The following CDH13 variants were observed in gnomAD, a reference collection of about 807,000 sequenced individuals.
The protein encoded by CDH13 is cadherin 13.
CDH13 carries 24 observed loss-of-function variants against 63.8 expected under a neutral mutation model. The ratio of observed to expected loss-of-function variants is 0.38; its 90% CI spans 0.27 to 0.53. CDH13 has a LOEUF of 0.53. Ranked by LOEUF, CDH13 falls within the 20% of genes least tolerant of loss-of-function variation. The probability of loss-of-function intolerance (pLI) is 0.85; values close to 1 mark genes in which losing one functional copy is unlikely to be tolerated. For synonymous variants in CDH13, 503 were observed against 355.3 expected (o/e 1.42, Z -4.67); for missense variants, 1,049 against 903.1 (o/e 1.16, Z -2.07).
At chr16:83,258,469 G>A (rs746422608) in intron 5 of CDH13, among the ~76,000 whole-genome samples, 3 of 152,136 alleles carry the variant, frequency 2.0e-5, no homozygotes, top group Non-Finnish European at 4.4e-5. Flanking sequence ...AGTAAAACCC[G>A]AGTGTTGCAA....
chr16:83,221,458 G>C (rs539294614), intron 5 of CDH13, among the ~76,000 whole-genome samples: 1 of 152,280 alleles, frequency 6.6e-6, no homozygotes. Flanking sequence ...CAGCATTTGA[G>C]TGATATGTGA....
At chr16:83,326,323 T>C (rs2090360427) in intron 5 of CDH13, among the ~76,000 whole-genome samples, 1 of 152,144 alleles carries the variant, frequency 6.6e-6, no homozygotes, top group Non-Finnish European at 1.5e-5. Context: ...CTCTCTTACC[T>C]GGGGCATATT....
intron 6 of CDH13, among the ~76,000 whole-genome samples, chr16:83,394,492 G>A (rs1197910627): frequency 6.6e-6 from 1 of 152,134 alleles, no homozygotes; most frequent in East Asian, 1.9e-4. Context: ...GTAAGGATGT[G>A]GGATGGATGA....
intron 2 of CDH13, among the ~76,000 whole-genome samples, chr16:82,935,739 A>G (rs913783076): frequency 6.6e-6 from 1 of 152,130 alleles, no homozygotes; most frequent in East Asian, 1.9e-4. Flanking sequence ...AGAGTCTCAT[A>G]GAAAGTGGCT....
chr16:82,833,339 C>A (rs1404789096), intron 1 of CDH13, among the ~76,000 whole-genome samples: 1 of 152,136 alleles, frequency 6.6e-6, no homozygotes, highest in East Asian at 1.9e-4. Context: ...TGGAGGTATC[C>A]AACTTCAGCT....
chr16:82,936,660 A>G (rs1336106455), intron 2 of CDH13, among the ~76,000 whole-genome samples: 1 of 152,162 alleles, frequency 6.6e-6, no homozygotes, highest in Admixed American at 6.5e-5. Flanking sequence ...TGGTGATGCT[A>G]CTTTAGATCG....
intron 5 of CDH13, among the ~76,000 whole-genome samples, chr16:83,249,411 G>A (rs1178248012): frequency 2.0e-5 from 3 of 152,164 alleles, no homozygotes; most frequent in Non-Finnish European, 4.4e-5. Context: ...TGGTGGTTAA[G>A]TTACAGCAGA....
At position 83,353,717 on chromosome 16, in the gene CDH13, C is replaced by G. The variant is rs148987799; in HGVS notation, c.781+8711C>G. Among the ~76,000 whole-genome samples the G allele has an allele frequency of 7.8e-3, 1,192 of 152,346 alleles. 9 individuals are homozygous for G. The highest frequency in any genetic ancestry group is 0.012 in the Non-Finnish European group (793 of 68,028). On this transcript the variant is annotated intron_variant, in intron 6 of 13. Transcript: ENST00000567109. The stretch of plus-strand genomic sequence containing the variant: ...CCTCTCTAACCATGAAGTCTTATTC[C>G]TGGACTAGCCTATGTATCTGCCTCT...
chr16:83,546,429 GTT>G (rs57567072), intron 7 of CDH13, among the ~76,000 whole-genome samples: 89 of 143,504 alleles, frequency 6.2e-4, no homozygotes, highest in Middle Eastern at 3.5e-3. Flanking sequence ...CATACTACTG[GTT>G]TTTTTTTTTT....
chr16:83,168,845 A>C, intron 4 of CDH13, among the ~76,000 whole-genome samples: 1 of 152,236 alleles, frequency 6.6e-6, no homozygotes, highest in South Asian at 2.1e-4. Flanking sequence ...GTTCTTCCAA[A>C]CCATGATATT....
chr16:83,370,767 C>A (rs1040139333), intron 6 of CDH13, among the ~76,000 whole-genome samples: 4 of 152,178 alleles, frequency 2.6e-5, no homozygotes, highest in Non-Finnish European at 4.4e-5. Flanking sequence ...ATAATGGTCT[C>A]CATTTCCATC....
intron 4 of CDH13, among the ~76,000 whole-genome samples, chr16:83,209,387 G>A (rs747435624): frequency 2.6e-5 from 4 of 152,146 alleles, no homozygotes; most frequent in Admixed American, 1.3e-4. Flanking sequence ...ACATCCGGGT[G>A]CATCCTCCAC....
At chr16:82,676,937 G>C (rs901605449) in intron 1 of CDH13, among the ~76,000 whole-genome samples, 1 of 152,194 alleles carries the variant, frequency 6.6e-6, no homozygotes, top group Non-Finnish European at 1.5e-5. Flanking sequence ...AGGCTAGAGT[G>C]CAGTGGCGCA....
intron 7 of CDH13, among the ~76,000 whole-genome samples, chr16:83,539,507 G>T (rs1429759326): frequency 1.3e-5 from 2 of 152,184 alleles, no homozygotes; most frequent in Non-Finnish European, 2.9e-5. Context: ...AAAGTGAAAG[G>T]CTGAAAACTT....
Position 82,636,839 on chromosome 16 carries a change from T to G in CDH13, c.45+9702T>G, listed in dbSNP as rs1043519190. ...TGTAAATACTCCCGTCATGGGCAAT[T>G]TGAATCTGCCAACCTGAGAGTTTCC... On this transcript the variant is annotated intron_variant, in intron 1 of 13. Coordinates refer to ENST00000567109, the MANE Select transcript of CDH13 (RefSeq NM_001257.5). Among the ~76,000 whole-genome samples, 5 of 152,314 alleles carry G rather than the reference T, an allele frequency of 3.3e-5. 1 individual carries two copies. In the East Asian group the frequency reaches 9.7e-4, roughly 29 times the overall value.
In CDH13 at chr16:83,291,161, G is replaced by A. The variant is rs538923629; in HGVS notation, c.637-53701G>A. Among the ~76,000 whole-genome samples, 15 of 152,208 alleles carry A rather than the reference G, an allele frequency of 9.9e-5. No individual in the cohort carries two copies. In the South Asian group the frequency reaches 1.2e-3, roughly 13 times the overall value. On this transcript the variant is annotated intron_variant, in intron 5 of 13. Transcript: ENST00000567109. The stretch of plus-strand genomic sequence containing the variant: ...ATCCTTCATGCTGATTATAGTGATC[G>A]GCTGTTCTCAATTAATGAATGGAAG...
intron 6 of CDH13, among the ~76,000 whole-genome samples, chr16:83,345,448 C>A (rs950955969): frequency 6.6e-6 from 1 of 152,190 alleles, no homozygotes; most frequent in Non-Finnish European, 1.5e-5. Context: ...TTCTTCCCTT[C>A]CCTTAGAAGA....
chr16:83,748,061 G>C, intron 10 of CDH13, 47 bp from the exon 11 acceptor site: 1 of 1,608,906 alleles, frequency 6.2e-7, no homozygotes, highest in Non-Finnish European at 8.5e-7. Context: ...AATGTTTCTT[G>C]AATCTACTTT....
At chr16:83,429,182 C>T (rs2072011431) in intron 6 of CDH13, among the ~76,000 whole-genome samples, 1 of 152,152 alleles carries the variant, frequency 6.6e-6, no homozygotes, top group South Asian at 2.1e-4. Context: ...TCTGAACAAG[C>T]CATAGCATTT....
Sources: allele counts gnomAD v4.1 joint callset (sites outside exome capture counted in the v4.1 genomes callset), GRCh38; gene constraint gnomAD v4.1.1; transcripts MANE v1.5; gene names NCBI Gene and HGNC (gene_info 2026-07-23, HGNC 2026-07-21).